Variants in TFG observed in about 807,000 individuals in gnomAD.
The protein encoded by TFG is trafficking from ER to golgi regulator.
TFG carries 22 observed loss-of-function variants against 51.4 expected under a neutral mutation model. The ratio of observed to expected loss-of-function variants is 0.43; its 90% CI spans 0.31 to 0.61. The LOEUF (loss-of-function observed/expected upper bound fraction) is 0.61. Ranked by LOEUF, TFG falls within the 20% of genes least tolerant of loss-of-function variation. The pLI is 0.12. For missense variants in TFG, 419 were observed against 487.7 expected (o/e 0.86, Z 1.33); for synonymous variants, 187 against 165.6 (o/e 1.13, Z -0.99).
intron 4 of TFG, among the ~76,000 whole-genome samples, chr3:100,731,515 A>G (rs2095091509): frequency 6.6e-6 from 1 of 152,190 alleles, no homozygotes; most frequent in Admixed American, 6.5e-5. Context: ...AGACATTATA[A>G]TGAATCCCAG....
At chr3:100,743,326 C>T (rs1017673822) in intron 6 of TFG, 5 of 152,060 alleles carry the variant, frequency 3.3e-5, no homozygotes, top group Admixed American at 6.6e-5. Flanking sequence ...ATGTGCTATA[C>T]GTATTTATTC....
chr3:100,741,012 C>G (rs572039756), intron 6 of TFG, among the ~76,000 whole-genome samples: 3 of 152,204 alleles, frequency 2.0e-5, no homozygotes, highest in African/African-American at 7.2e-5. Flanking sequence ...TGTGGTGATT[C>G]TGGTGTAAAC....
At chr3:100,720,273 TTAAG>T (rs1239555021) in intron 3 of TFG, among the ~76,000 whole-genome samples, 2 of 140,640 alleles carry the variant, frequency 1.4e-5, no homozygotes, top group Non-Finnish European at 3.2e-5. Flanking sequence ...GAACAGAGTG[TTAAG>T]TATGTTTTTT....
chr3:100,714,405 G>A (rs2095039869), intron 2 of TFG, among the ~76,000 whole-genome samples: 2 of 151,980 alleles, frequency 1.3e-5, no homozygotes, highest in African/African-American at 4.8e-5. Context: ...GGAGGATGAG[G>A]CAGAGAATTA....
chr3:100,739,957 T>C (rs571298392), intron 6 of TFG, among the ~76,000 whole-genome samples: 1 of 152,290 alleles, frequency 6.6e-6, no homozygotes, highest in African/African-American at 2.4e-5. Context: ...CAGTGATTCT[T>C]AATGTCAACG....
intron 3 of TFG, among the ~76,000 whole-genome samples, chr3:100,722,578 T>C (rs1019850405): frequency 1.3e-5 from 2 of 152,188 alleles, no homozygotes; most frequent in Admixed American, 6.5e-5. Flanking sequence ...ACTGGACATA[T>C]TGTCATGAAA....
intron 2 of TFG, among the ~76,000 whole-genome samples, chr3:100,718,237 T>C (rs1476523395): frequency 6.6e-6 from 1 of 152,204 alleles, no homozygotes; most frequent in African/African-American, 2.4e-5. Flanking sequence ...TTTAACTGCC[T>C]TTTTTCCCAC....
chr3:100,727,083 G>T (rs935537123), intron 3 of TFG, among the ~76,000 whole-genome samples: 2 of 152,170 alleles, frequency 1.3e-5, no homozygotes, highest in African/African-American at 4.8e-5. Flanking sequence ...TTTTGACATG[G>T]TTATGGACTG....
chr3:100,732,759 C>T (rs898726050), intron 5 of TFG, 87 bp downstream of exon 5: 6 of 1,193,246 alleles, frequency 5.0e-6, no homozygotes, highest in African/African-American at 3.1e-5. Flanking sequence ...TGAAGAATAA[C>T]TTGGATATGG....
chr3:100,731,106 C>CTT (rs1165794533), intron 4 of TFG, among the ~76,000 whole-genome samples: 1 of 152,104 alleles, frequency 6.6e-6, no homozygotes, highest in African/African-American at 2.4e-5. Context: ...CGGTTTAGCA[C>CTT]TTAACATTTT....
chr3:100,728,605 T>G, intron 3 of TFG, 107 bp from the exon 4 acceptor site: 8 of 930,588 alleles, frequency 8.6e-6, no homozygotes, highest in Non-Finnish European at 1.2e-5. Context: ...ATTGATATCT[T>G]GTTTTTGTTT....
In TFG at chr3:100,748,441, G is replaced by A; in HGVS notation, c.1113G>A (p.Met371Ile). The change falls in exon 8 of 8, where the codon ATG (methionine) becomes ATA (isoleucine). Residue 371 changes from methionine (M) to isoleucine (I), a missense_variant. Physicochemically the swap from Met to Ile is conservative, Grantham distance 10 (BLOSUM62 1). Around this residue, in one of 3 missense-constraint regions of TFG, gnomAD observed 391 missense variants for 434.4 expected, o/e 0.90. Transcript: ENST00000240851. Reference protein sequence around the residue: ...PGFTSLPGSTMTPPPSGPNPY... With the variant: ...PGFTSLPGSTITPPPSGPNPY... ...TTACTTCACTTCCTGGAAGTACCAT[G>A]ACCCCTCCTCCAAGTGGGCCTAATC... 3.1e-6 allele frequency: 5 copies of A among 1,614,066 alleles called. No homozygotes were observed. The highest frequency in any genetic ancestry group is 4.2e-6 in the Non-Finnish European group (5 of 1,180,000).
At chr3:100,724,670 A>G (rs1011900028) in intron 3 of TFG, among the ~76,000 whole-genome samples, 2 of 152,336 alleles carry the variant, frequency 1.3e-5, no homozygotes, top group South Asian at 4.1e-4. Flanking sequence ...AGTGTCACGT[A>G]TGAACATAGA....
Position 100,744,853 on chromosome 3 carries a change from C to G in TFG, c.742C>G (p.Gln248Glu). The G allele has an allele frequency of 6.2e-7, 1 of 1,613,176 alleles. No homozygotes were observed. The highest frequency in any genetic ancestry group is 8.5e-7 in the Non-Finnish European group (1 of 1,179,422). ...QIEGQMYQQY[Q>E]QQAGYGAQQP... ...TTCAGGTCAGATGTACCAACAGTAC[C>G]AGCAACAGGCCGGCTATGGTGCACA... The change falls in exon 7 of 8, where the codon CAG becomes GAG. Residue 248 changes from glutamine (Q) to glutamate (E), a missense_variant. Physicochemically the swap from Gln to Glu is conservative, Grantham distance 29. Coordinates refer to ENST00000240851, the MANE Select transcript of TFG (RefSeq NM_006070.6).
At chr3:100,727,513 G>A (rs2095079384) in intron 3 of TFG, among the ~76,000 whole-genome samples, 1 of 152,186 alleles carries the variant, frequency 6.6e-6, no homozygotes, top group African/African-American at 2.4e-5. Context: ...TACTGGCAAT[G>A]TGCAAAGCAT....
intron 1 of TFG, among the ~76,000 whole-genome samples, chr3:100,711,843 T>A (rs2095032224): frequency 1.3e-5 from 2 of 152,136 alleles, no homozygotes; most frequent in Admixed American, 1.3e-4. Context: ...GAAGTAATTA[T>A]ACTTTAGAGT....
rs747261358 is a variant in TFG, at chr3:100,748,298, T to C, written c.970T>C (p.Tyr324His). 1.2e-6 allele frequency: 2 copies of C among 1,614,070 alleles called. No homozygotes were observed. Among genetic ancestry groups the C allele is most frequent in the East Asian group, 2.2e-5 (1 of 44,870 alleles). The stretch of plus-strand genomic sequence containing the variant: ...GCCACAGCAGTACCAGGCGAGCAAT[T>C]ATCCTGCACAAACTTACACTGCCCA... ...QPPQQYQASN[Y>H]PAQTYTAQTS... Residue 324 changes from tyrosine (Y) to histidine (H), a missense_variant, in exon 8 of 8, where the codon TAT (tyrosine) becomes CAT (histidine). By Grantham distance (83) the Tyr-to-His change is moderately conservative (BLOSUM62 2). Around this residue, in one of 3 missense-constraint regions of TFG, gnomAD observed 391 missense variants for 434.4 expected, o/e 0.90. Coordinates refer to ENST00000240851, the MANE Select transcript of TFG (RefSeq NM_006070.6).
At chr3:100,710,020 G>A (rs1464661919) in intron 1 of TFG, 1 of 152,276 alleles carries the variant, frequency 6.6e-6, no homozygotes, top group African/African-American at 2.4e-5. Context: ...TCCGGGAGGG[G>A]AGTGCGCCAG....
At position 100,744,820 on chromosome 3, in the gene TFG, TG is replaced by T; in HGVS notation, c.722-12del. The stretch of plus-strand genomic sequence containing the variant: ...TGCCTTTTTTCCTTGTGTGTGTGTG[TG>T]TGTGTTTTCAGGTCAGATGTACCAA... On this transcript the variant is annotated splice_polypyrimidine_tract_variant and intron_variant, in intron 6 of 7. Transcript: ENST00000240851. The T allele has an allele frequency of 6.3e-7, 1 of 1,591,358 alleles. No homozygotes were observed. The highest frequency in any genetic ancestry group is 8.6e-7 in the Non-Finnish European group (1 of 1,159,948).
Sources: gnomAD v4.1 joint callset for allele counts (sites outside exome capture counted in the v4.1 genomes callset) on GRCh38, gnomAD v4.1.1 for gene constraint, gnomAD v4.1.1 regional missense constraint, MANE v1.5 for transcripts, NCBI Gene and HGNC (gene_info 2026-07-23, HGNC 2026-07-21) for gene names.